Variants in LHFPL3 observed in about 807,000 individuals in gnomAD.
The protein encoded by LHFPL3 is LHFPL tetraspan subfamily member 3, also known as LHFPL tetraspan subfamily member 3 protein.
LHFPL3 carries 5 observed loss-of-function variants against 19.3 expected under a neutral mutation model. That is an observed-to-expected ratio of 0.26 (90% CI 0.14 to 0.54). The LOEUF (loss-of-function observed/expected upper bound fraction) is 0.54. LHFPL3 is among the 20% of genes least tolerant of loss of function. LHFPL3 has a pLI of 0.94. For synonymous variants in LHFPL3, 133 were observed against 126.2 expected, an observed-to-expected ratio of 1.05 and a Z score of -0.36; for missense variants, 249 against 307.4, an observed-to-expected ratio of 0.81 and a Z score of 1.42.
chr7:104,417,012 T>A (rs1310520823), intron 1 of LHFPL3, among the ~76,000 whole-genome samples: 1 of 152,234 alleles, frequency 6.6e-6, no homozygotes, highest in Non-Finnish European at 1.5e-5. Flanking sequence ...GCCGAATCCC[T>A]TCTCACTAGG....
chr7:104,655,224 T>C (rs990954900), intron 1 of LHFPL3, among the ~76,000 whole-genome samples: 1 of 152,170 alleles, frequency 6.6e-6, no homozygotes, highest in African/African-American at 2.4e-5. Context: ...GTCTCTTCGG[T>C]TGTCTGTTCC....
chr7:104,396,888 T>G (rs1401222853), intron 1 of LHFPL3, among the ~76,000 whole-genome samples: 3 of 152,032 alleles, frequency 2.0e-5, no homozygotes, highest in Non-Finnish European at 4.4e-5. Flanking sequence ...GTGGATCACT[T>G]GAGTCTAGGA....
intron 2 of LHFPL3, among the ~76,000 whole-genome samples, chr7:104,835,759 TTATTA>T (rs1791080481): frequency 8.4e-6 from 1 of 118,694 alleles, no homozygotes; most frequent in Non-Finnish European, 2.2e-5. Flanking sequence ...CGTTAAATTA[TTATTA>T]TTTTTTTTTA....
chr7:104,424,983 T>TTAAAAAAAA (rs1562893339), intron 1 of LHFPL3, among the ~76,000 whole-genome samples: 1 of 65,186 alleles, frequency 1.5e-5, no homozygotes, highest in Non-Finnish European at 2.8e-5. Flanking sequence ...CTCCATCTCA[T>TTAAAAAAAA]AAAAAAAAAA....
intron 1 of LHFPL3, among the ~76,000 whole-genome samples, chr7:104,727,148 T>C (rs1271269295): frequency 1.3e-5 from 2 of 152,260 alleles, no homozygotes; most frequent in Non-Finnish European, 2.9e-5. Context: ...TGTCTGTTCA[T>C]ATCCTTTGCC....
rs544632110 is a variant in LHFPL3 at position 104,782,948 on chromosome 7, G to GCA, written c.682+46048_682+46049dup. Among the ~76,000 whole-genome samples the GCA allele has an allele frequency of 2.2e-3, 338 of 152,276 alleles. 3 individuals are homozygous for GCA. Among genetic ancestry groups the GCA allele is most frequent in the African/African-American group, 7.4e-3 (307 of 41,556 alleles). On this transcript the variant is annotated intron_variant, in intron 2 of 2. Transcript: ENST00000424859. Reference sequence around the variant, plus strand: ...TGGATGAACACAAGTGCGCACGCGCGCACACACACACATGCACACATACAT... The same window carrying GCA: ...TGGATGAACACAAGTGCGCACGCGCGCACACACACACACATGCACACATACAT...
intron 1 of LHFPL3, among the ~76,000 whole-genome samples, chr7:104,473,752 G>C (rs997011167): frequency 6.6e-6 from 1 of 152,204 alleles, no homozygotes; most frequent in Non-Finnish European, 1.5e-5. Context: ...ATAGTGCCTT[G>C]CACATAGAAA....
At chr7:104,854,449 C>T (rs77509984) in intron 2 of LHFPL3, among the ~76,000 whole-genome samples, 3,788 of 152,304 alleles carry the variant, frequency 0.025, 78 homozygotes, top group Non-Finnish European at 0.037. Flanking sequence ...TCTGCAGTTT[C>T]TCAAAATAAT....
chr7:104,555,689 T>C (rs1332644387), intron 1 of LHFPL3, among the ~76,000 whole-genome samples: 3 of 152,226 alleles, frequency 2.0e-5, no homozygotes, highest in African/African-American at 4.8e-5. Context: ...CCAAATCTCA[T>C]GTCCTCACAT....
At chr7:104,397,197 T>A (rs1232359479) in intron 1 of LHFPL3, among the ~76,000 whole-genome samples, 1 of 152,122 alleles carries the variant, frequency 6.6e-6, no homozygotes, top group Non-Finnish European at 1.5e-5. Context: ...AAGTGAATTT[T>A]CCAATAAAAT....
intron 1 of LHFPL3, among the ~76,000 whole-genome samples, chr7:104,612,831 A>G (rs969837678): frequency 1.3e-5 from 2 of 152,156 alleles, no homozygotes; most frequent in Non-Finnish European, 2.9e-5. Context: ...CTTCTCCTCC[A>G]TAGACTATCT....
At chr7:104,788,128 G>T (rs981929223) in intron 2 of LHFPL3, among the ~76,000 whole-genome samples, 9 of 152,140 alleles carry the variant, frequency 5.9e-5, no homozygotes, top group African/African-American at 2.2e-4. Context: ...ACGCGTGGGG[G>T]AAAACATAAT....
intron 1 of LHFPL3, among the ~76,000 whole-genome samples, chr7:104,591,101 T>A (rs1253431038): frequency 6.6e-6 from 1 of 152,208 alleles, no homozygotes. Flanking sequence ...TTGGAGTATT[T>A]AACCCATTTA....
At chr7:104,349,763 T>A (rs1269258453) in intron 1 of LHFPL3, among the ~76,000 whole-genome samples, 1 of 152,230 alleles carries the variant, frequency 6.6e-6, no homozygotes, top group Non-Finnish European at 1.5e-5. Context: ...ATTTCTAACT[T>A]TTTGACATGC....
chr7:104,456,592 C>G (rs866387420), intron 1 of LHFPL3, among the ~76,000 whole-genome samples: 2 of 152,210 alleles, frequency 1.3e-5, no homozygotes, highest in Non-Finnish European at 2.9e-5. Flanking sequence ...TGATATTTTT[C>G]TTTCCTTATT....
intron 1 of LHFPL3, among the ~76,000 whole-genome samples, chr7:104,483,035 G>T (rs1188522238): frequency 6.6e-6 from 1 of 152,196 alleles, no homozygotes; most frequent in Non-Finnish European, 1.5e-5. Context: ...GATATTCCCA[G>T]CCTTGGTTTT....
At chr7:104,579,947 T>C (rs1220021739) in intron 1 of LHFPL3, among the ~76,000 whole-genome samples, 4 of 152,168 alleles carry the variant, frequency 2.6e-5, no homozygotes, top group Admixed American at 6.5e-5. Context: ...TGCTGGTTGA[T>C]TGCAAGACTT....
chr7:104,877,719 T>TA (rs34014943), intron 2 of LHFPL3, among the ~76,000 whole-genome samples: 3 of 151,808 alleles, frequency 2.0e-5, no homozygotes, highest in Non-Finnish European at 4.4e-5. Flanking sequence ...GAAGTTCCTT[T>TA]AAAAAAAAGT....
chr7:104,489,563 G>A (rs1584355020), intron 1 of LHFPL3, among the ~76,000 whole-genome samples: 1 of 150,948 alleles, frequency 6.6e-6, no homozygotes, highest in Admixed American at 6.6e-5. Flanking sequence ...ATAAATTAAT[G>A]TACTGGCTAC....
Sources: gnomAD v4.1 joint callset for allele counts (sites outside exome capture counted in the v4.1 genomes callset) on GRCh38, gnomAD v4.1.1 for gene constraint, MANE v1.5 for transcripts, NCBI Gene and HGNC (gene_info 2026-07-23, HGNC 2026-07-21) for gene names.